CCDC170: variants seen among roughly 807,000 people sequenced by gnomAD.
CCDC170 encodes coiled-coil domain-containing protein 170.
CCDC170 carries 69 observed loss-of-function variants against 72.6 expected under a neutral mutation model. The ratio of observed to expected loss-of-function variants is 0.95; its 90% CI spans 0.78 to 1.16. CCDC170 has a LOEUF of 1.16. CCDC170 is among the 50% of genes most tolerant of loss of function. CCDC170 has a pLI of 0.00. For synonymous variants in CCDC170, 300 were observed against 303.9 expected (o/e 0.99, Z 0.13); for missense variants, 852 against 832.5 (o/e 1.02, Z -0.29).
At chr6:151,594,049 C>G (rs1187016414) in intron 8 of CCDC170, among the ~76,000 whole-genome samples, 1 of 151,946 alleles carries the variant, frequency 6.6e-6, no homozygotes, top group South Asian at 2.1e-4. Flanking sequence ...TTTCTTCACT[C>G]AAAGGAAGAG....
intron 5 of CCDC170, among the ~76,000 whole-genome samples, chr6:151,559,781 G>A (rs1783046147): frequency 6.6e-6 from 1 of 152,038 alleles, no homozygotes; most frequent in Non-Finnish European, 1.5e-5. Flanking sequence ...GTATTTCTGT[G>A]GTATCAGTTG....
chr6:151,615,770 TA>T, intron 10 of CCDC170, 91 bp downstream of exon 10: 1 of 984,722 alleles, frequency 1.0e-6, no homozygotes, highest in Non-Finnish European at 1.5e-6. Context: ...CATTTCTTTT[TA>T]AAAAAGTTTG....
Position 151,494,184 on chromosome 6 carries a change from A to T in CCDC170, c.56A>T (p.Glu19Val), listed in dbSNP as rs1406977275. 3.3e-6 allele frequency: 5 copies of T among 1,513,342 alleles called. No homozygotes were observed. The highest frequency in any genetic ancestry group is 1.8e-4 in the Middle Eastern group (1 of 5,486). 93.7% of individuals were successfully genotyped at this position (1,513,342 alleles called of 1,614,324 possible). The change falls in exon 1 of 11, where the codon GAG (glutamate) becomes GTG (valine). Residue 19 changes from glutamate to valine, a missense_variant and splice_region_variant. Glu to Val is a moderately radical substitution (Grantham distance 121). Transcript: ENST00000239374. ...IALGAASPAPEETYDHLSEVP... is the reference protein window; with the variant it reads ...IALGAASPAPVETYDHLSEVP... ...CTGGGTGCCGCTTCGCCAGCGCCCG[A>T]GGTACGGTCCCAGCCGCCGGCCGCG...
At chr6:151,496,159 C>T (rs576025605) in intron 1 of CCDC170, among the ~76,000 whole-genome samples, 17 of 152,148 alleles carry the variant, frequency 1.1e-4, no homozygotes, top group East Asian at 9.7e-4. Flanking sequence ...GATTGTCCTT[C>T]GTGATTAGAT....
intron 10 of CCDC170, among the ~76,000 whole-genome samples, chr6:151,616,681 C>A (rs1485312273): frequency 6.6e-6 from 1 of 152,136 alleles, no homozygotes; most frequent in African/African-American, 2.4e-5. Context: ...AAAGTACCAT[C>A]TACTGGGTGG....
intron 3 of CCDC170, 131 bp downstream of exon 3, chr6:151,538,432 T>C: frequency 1.1e-6 from 1 of 913,378 alleles, no homozygotes; most frequent in Non-Finnish European, 1.6e-6. Flanking sequence ...AAAAAAGTTA[T>C]TGACCTCAAA....
chr6:151,597,489 C>T lies in CCDC170; in HGVS notation c.1710+912C>T, dbSNP rs114095461. 9.6e-3 allele frequency among the ~76,000 whole-genome samples: 1,459 copies of T among 152,244 alleles called. 22 individuals are homozygous for T. Among genetic ancestry groups the T allele is most frequent in the African/African-American group, 0.033 (1,384 of 41,548 alleles). ...CATTTCTCCAAAGTGTTGGTGACTG[C>T]TATTAGTGATGATGCAGGGATTAAT... On this transcript the variant is annotated intron_variant, in intron 9 of 10. Coordinates refer to ENST00000239374, the MANE Select transcript of CCDC170 (RefSeq NM_025059.4).
chr6:151,562,130 T>A (rs1459153881), intron 5 of CCDC170, among the ~76,000 whole-genome samples: 1 of 152,230 alleles, frequency 6.6e-6, no homozygotes, highest in Non-Finnish European at 1.5e-5. Flanking sequence ...ATCATTTTTC[T>A]GGTTTTTTAT....
At chr6:151,582,204 T>C (rs1049533190) in intron 6 of CCDC170, among the ~76,000 whole-genome samples, 4 of 152,358 alleles carry the variant, frequency 2.6e-5, no homozygotes, top group Non-Finnish European at 1.5e-5. Flanking sequence ...TTTGCCTACA[T>C]TGAAAGTCTG....
At chr6:151,598,520 G>A (rs988020393) in intron 9 of CCDC170, among the ~76,000 whole-genome samples, 3 of 152,178 alleles carry the variant, frequency 2.0e-5, no homozygotes, top group Admixed American at 6.5e-5. Flanking sequence ...CTACAGCCGA[G>A]CCTTGAATTA....
chr6:151,573,173 G>C lies in CCDC170; in HGVS notation c.775-1G>C. Reference sequence around the variant, plus strand: ...GTCTTCACTTTCTGTAATCATTTTAGGACCTGCTCAGTGCTGTAGAAGCAA... The same window carrying C: ...GTCTTCACTTTCTGTAATCATTTTACGACCTGCTCAGTGCTGTAGAAGCAA... On this transcript the variant is annotated splice_acceptor_variant, in intron 5 of 10. Coordinates refer to ENST00000239374, the MANE Select transcript of CCDC170 (RefSeq NM_025059.4). LOFTEE classifies it high-confidence loss of function. The C allele has an allele frequency of 2.5e-6, 4 of 1,605,446 alleles. No homozygotes were observed. In the South Asian group the frequency reaches 3.3e-5, roughly 13 times the overall value.
chr6:151,506,715 TTTTG>T (rs1782071424), intron 1 of CCDC170, among the ~76,000 whole-genome samples: 1 of 152,142 alleles, frequency 6.6e-6, no homozygotes, highest in Non-Finnish European at 1.5e-5. Flanking sequence ...GTTTTTTTGG[TTTTG>T]TTTGTTTGTT....
intron 1 of CCDC170, among the ~76,000 whole-genome samples, chr6:151,501,980 C>T (rs562189353): frequency 2.0e-5 from 3 of 152,246 alleles, no homozygotes; most frequent in African/African-American, 7.2e-5. Context: ...GCTTTGGTGG[C>T]TTTGATCTAA....
intron 3 of CCDC170, among the ~76,000 whole-genome samples, chr6:151,543,458 A>G (rs1782723459): frequency 6.6e-6 from 1 of 152,160 alleles, no homozygotes; most frequent in Admixed American, 6.5e-5. Context: ...GTGTGTGAAC[A>G]TTCAAAATCC....
chr6:151,604,746 C>A (rs1008998094), intron 9 of CCDC170, among the ~76,000 whole-genome samples: 4 of 152,128 alleles, frequency 2.6e-5, no homozygotes, highest in African/African-American at 9.6e-5. Flanking sequence ...TTAGTTACAC[C>A]TTTTTCTTTC....
chr6:151,591,815 G>T (rs1776540702), intron 7 of CCDC170, among the ~76,000 whole-genome samples: 1 of 151,928 alleles, frequency 6.6e-6, no homozygotes, highest in African/African-American at 2.4e-5. Context: ...AAATTTTAAA[G>T]AAATTTTCTA....
At chr6:151,536,174 A>G in intron 1 of CCDC170, 144 bp from the exon 2 acceptor site, 1 of 943,658 alleles carries the variant, frequency 1.1e-6, no homozygotes, top group South Asian at 1.6e-5. Flanking sequence ...AAATGGTCTG[A>G]ACATAACACT....
At chr6:151,497,115 A>T (rs1781922396) in intron 1 of CCDC170, among the ~76,000 whole-genome samples, 1 of 152,224 alleles carries the variant, frequency 6.6e-6, no homozygotes, top group South Asian at 2.1e-4. Flanking sequence ...GACCCTGCTC[A>T]TAATGAAGAA....
At chr6:151,614,671 T>C (rs571318338) in intron 9 of CCDC170, among the ~76,000 whole-genome samples, 1 of 151,382 alleles carries the variant, frequency 6.6e-6, no homozygotes, top group African/African-American at 2.4e-5. Flanking sequence ...TGTTTCACCA[T>C]GTTGGCCAGG....
Sources: gnomAD v4.1 joint callset for allele counts (sites outside exome capture counted in the v4.1 genomes callset) on GRCh38, gnomAD v4.1.1 for gene constraint, MANE v1.5 for transcripts, NCBI Gene and HGNC (gene_info 2026-07-23, HGNC 2026-07-21) for gene names.